Variants in ERC2 observed in about 807,000 individuals in gnomAD.
ERC2 encodes the protein ELKS/RAB6-interacting/CAST family member 2.
Under a neutral mutation model 114.8 loss-of-function variants are expected in ERC2, and 42 were observed. The observed-to-expected ratio is 0.37, with a 90% CI of 0.29 to 0.47. The LOEUF is 0.47. ERC2 is among the 20% of genes least tolerant of loss of function. The pLI is 0.99. For missense variants in ERC2, 939 were observed against 1,150.7 expected, an observed-to-expected ratio of 0.82 and a Z score of 2.66; for synonymous variants, 454 against 425.5, an observed-to-expected ratio of 1.07 and a Z score of -0.82.
intron 12 of ERC2, among the ~76,000 whole-genome samples, chr3:55,963,798 C>A (rs1041682388): frequency 6.6e-6 from 1 of 152,114 alleles, no homozygotes; most frequent in Non-Finnish European, 1.5e-5. Context: ...TGAAAATTGA[C>A]CCCCTGGGGG....
intron 13 of ERC2, among the ~76,000 whole-genome samples, chr3:55,947,981 A>G (rs575787186): frequency 6.6e-6 from 1 of 152,348 alleles, no homozygotes; most frequent in Admixed American, 6.5e-5. Flanking sequence ...TATGAAATAA[A>G]GAAGACTGGA....
chr3:55,610,730 T>C (rs2058878483), intron 17 of ERC2: 1 of 152,150 alleles, frequency 6.6e-6, no homozygotes, highest in African/African-American at 2.4e-5. Flanking sequence ...CTACTGTCTG[T>C]CAGGGCTATG....
At chr3:55,758,669 T>C (rs936906747) in intron 14 of ERC2, among the ~76,000 whole-genome samples, 1 of 152,214 alleles carries the variant, frequency 6.6e-6, no homozygotes, top group Non-Finnish European at 1.5e-5. Context: ...GTCATATCTG[T>C]AGCCAAAAAA....
At chr3:55,779,846 C>G (rs1174203345) in intron 14 of ERC2, among the ~76,000 whole-genome samples, 3 of 151,968 alleles carry the variant, frequency 2.0e-5, no homozygotes, top group Non-Finnish European at 4.4e-5. Flanking sequence ...GGTCTGATTC[C>G]TACCACGGCA....
At chr3:55,978,664 G>A (rs2069798289) in intron 12 of ERC2, among the ~76,000 whole-genome samples, 1 of 152,194 alleles carries the variant, frequency 6.6e-6, no homozygotes, top group Admixed American at 6.5e-5. Flanking sequence ...CACATGAGAG[G>A]TAAGCTATAA....
intron 15 of ERC2, among the ~76,000 whole-genome samples, chr3:55,726,448 G>T (rs2064922657): frequency 6.6e-6 from 1 of 152,184 alleles, no homozygotes; most frequent in Admixed American, 6.5e-5. Flanking sequence ...GAAATGTCTG[G>T]CTAAACACTC....
intron 3 of ERC2, among the ~76,000 whole-genome samples, chr3:56,279,128 G>C (rs6762680): frequency 2.0e-5 from 3 of 152,106 alleles, no homozygotes; most frequent in African/African-American, 7.2e-5. Context: ...CTGTAAGTCT[G>C]TAAGTAGTTA....
chr3:56,173,305 T>TA (rs535412580), intron 4 of ERC2, 141 bp downstream of exon 4: 88 of 751,584 alleles, frequency 1.2e-4, no homozygotes, highest in Admixed American at 5.7e-4. Context: ...CCCAGGAAGG[T>TA]AAAAAAAATC....
chr3:55,889,524 T>C (rs1288819810), intron 13 of ERC2, among the ~76,000 whole-genome samples: 2 of 152,174 alleles, frequency 1.3e-5, no homozygotes, highest in African/African-American at 4.8e-5. Flanking sequence ...CCAGGAGCCC[T>C]GAGGCAAAGC....
At chr3:55,622,985 T>C (rs1330086862) in intron 17 of ERC2, among the ~76,000 whole-genome samples, 1 of 152,210 alleles carries the variant, frequency 6.6e-6, no homozygotes, top group East Asian at 1.9e-4. Context: ...GGAAGAACTG[T>C]GAATCCACTT....
At position 55,685,053 on chromosome 3, in the gene ERC2, C is replaced by G. The variant is rs372756109; in HGVS notation, c.2848-1194G>C. On this transcript the variant is annotated intron_variant, in intron 16 of 17. Transcript: ENST00000288221. ...AAATAGCAGTTTCATACAGTTCCACCTAATCCGGCCAATAGGCCTAGTCAT... is the reference window on the plus strand; with the variant it reads ...AAATAGCAGTTTCATACAGTTCCACGTAATCCGGCCAATAGGCCTAGTCAT... 1.7e-3 allele frequency among the ~76,000 whole-genome samples: 263 copies of G among 152,148 alleles called. 2 individuals carry two copies. The highest frequency in any genetic ancestry group is 6.0e-3 in the African/African-American group (248 of 41,402).
At chr3:56,066,061 C>A (rs1030217124) in intron 7 of ERC2, among the ~76,000 whole-genome samples, 12 of 152,104 alleles carry the variant, frequency 7.9e-5, no homozygotes, top group Non-Finnish European at 1.3e-4. Context: ...TGGGTATATA[C>A]CCAGTAATGG....
chr3:56,387,593 C>T (rs1238910892), intron 2 of ERC2, among the ~76,000 whole-genome samples: 1 of 152,162 alleles, frequency 6.6e-6, no homozygotes, highest in African/African-American at 2.4e-5. Flanking sequence ...AACACTGTCG[C>T]CTTTGCTAAT....
chr3:55,812,464 T>A (rs1351555167), intron 14 of ERC2, among the ~76,000 whole-genome samples: 1 of 152,204 alleles, frequency 6.6e-6, no homozygotes, highest in East Asian at 1.9e-4. Context: ...TGTGTATCCA[T>A]GATGTTCCAG....
At chr3:56,180,221 G>A (rs770407865) in intron 3 of ERC2, among the ~76,000 whole-genome samples, 11 of 152,204 alleles carry the variant, frequency 7.2e-5, no homozygotes, top group Non-Finnish European at 1.3e-4. Context: ...ATCTAGAGCA[G>A]TTTGGGGGAT....
chr3:56,248,164 A>G lies in ERC2; in HGVS notation c.1074+47855T>C, dbSNP rs548157730. Among the ~76,000 whole-genome samples the G allele has an allele frequency of 2.6e-5, 4 of 152,216 alleles. No homozygotes were observed. The East Asian group carries it at 7.7e-4, about 29-fold the overall frequency. ...GAGTTCAGTGACACAATCATAGTTCATTGTAACCTGGAATTCCTGGGCTCA... is the reference window on the plus strand; with the variant it reads ...GAGTTCAGTGACACAATCATAGTTCGTTGTAACCTGGAATTCCTGGGCTCA... On this transcript the variant is annotated intron_variant, in intron 3 of 17. Transcript: ENST00000288221.
At chr3:55,539,415 C>CTTTTTTGTTTTTTTTT (rs2054228537) in intron 17 of ERC2, among the ~76,000 whole-genome samples, 1 of 39,090 alleles carries the variant, frequency 2.6e-5, no homozygotes, top group African/African-American at 8.7e-5. Flanking sequence ...TTTTTTCTTT[C>CTTTTTTGTTTTTTTTT]TTTTTTTTTT....
chr3:56,322,302 G>A (rs2057163509), intron 2 of ERC2, among the ~76,000 whole-genome samples: 1 of 152,172 alleles, frequency 6.6e-6, no homozygotes, highest in African/African-American at 2.4e-5. Flanking sequence ...TGTTTGCAAA[G>A]AAGGCTGCAA....
chr3:55,790,113 T>C (rs1360953555), intron 14 of ERC2, among the ~76,000 whole-genome samples: 1 of 152,194 alleles, frequency 6.6e-6, no homozygotes, highest in Non-Finnish European at 1.5e-5. Flanking sequence ...TTCATGATTC[T>C]TTATTCCCTG....
Sources: allele counts gnomAD v4.1 joint callset (sites outside exome capture counted in the v4.1 genomes callset), GRCh38; gene constraint gnomAD v4.1.1; transcripts MANE v1.5; gene names NCBI Gene and HGNC (gene_info 2026-07-23, HGNC 2026-07-21).